Variants in TSHZ2 observed in about 807,000 individuals in gnomAD.
TSHZ2 encodes the protein teashirt homolog 2.
Under a neutral mutation model 74.4 loss-of-function variants are expected in TSHZ2, and 21 were observed. The ratio of observed to expected loss-of-function variants is 0.28; its 90% CI spans 0.20 to 0.41. The LOEUF (loss-of-function observed/expected upper bound fraction) is 0.41. TSHZ2 is among the 10% of genes least tolerant of loss of function. TSHZ2 has a pLI of 1.00. For synonymous variants in TSHZ2, 540 were observed against 515.3 expected, an observed-to-expected ratio of 1.05 and a Z score of -0.65; for missense variants, 1,244 against 1,293.5, an observed-to-expected ratio of 0.96 and a Z score of 0.59.
chr20:53,469,976 G>A (rs1316310345), intron 2 of TSHZ2, among the ~76,000 whole-genome samples: 7 of 152,150 alleles, frequency 4.6e-5, no homozygotes, highest in Admixed American at 4.6e-4. Context: ...ATATATAACT[G>A]TTAAAATGTT....
intron 2 of TSHZ2, among the ~76,000 whole-genome samples, chr20:53,383,982 C>G (rs543152152): frequency 1.3e-5 from 2 of 152,254 alleles, no homozygotes; most frequent in Non-Finnish European, 2.9e-5. Context: ...TAACTTGTTC[C>G]CAAACCCTCT....
chr20:53,348,007 G>A lies in TSHZ2; in HGVS notation c.*8+91436G>A, dbSNP rs143418411. 2.0e-3 allele frequency among the ~76,000 whole-genome samples: 308 copies of A among 152,044 alleles called. 4 individuals are homozygous for A. In the East Asian group the frequency reaches 0.023, roughly 11 times the overall value. On this transcript the variant is annotated intron_variant, in intron 2 of 2. Coordinates refer to ENST00000371497, the MANE Select transcript of TSHZ2 (RefSeq NM_173485.6). ...TCCCTCCTCCCAGCCCCTGATAACC[G>A]CTAATCTGTGTCTACTGATCTGCCT...
chr20:53,226,585 G>A (rs1484820276), intron 1 of TSHZ2, among the ~76,000 whole-genome samples: 1 of 152,090 alleles, frequency 6.6e-6, no homozygotes, highest in Non-Finnish European at 1.5e-5. Flanking sequence ...ACCAGGGAAT[G>A]ATTTGGAAGT....
intron 1 of TSHZ2, among the ~76,000 whole-genome samples, chr20:53,024,834 T>C (rs1168406340): frequency 6.6e-6 from 1 of 152,200 alleles, no homozygotes; most frequent in African/African-American, 2.4e-5. Context: ...ACTCATCCTT[T>C]TGTATGGTTG....
chr20:53,116,804 T>C (rs2123339036), intron 1 of TSHZ2, among the ~76,000 whole-genome samples: 1 of 152,354 alleles, frequency 6.6e-6, no homozygotes, highest in South Asian at 2.1e-4. Context: ...AGGTCAATGA[T>C]ACAGCTGTAT....
chr20:53,404,672 G>A (rs970314159), intron 2 of TSHZ2, among the ~76,000 whole-genome samples: 1 of 152,122 alleles, frequency 6.6e-6, no homozygotes, highest in South Asian at 2.1e-4. Flanking sequence ...CTATTAATAT[G>A]CAACGTTCTC....
chr20:53,324,218 T>C (rs1220522092), intron 2 of TSHZ2, among the ~76,000 whole-genome samples: 1 of 151,856 alleles, frequency 6.6e-6, no homozygotes, highest in Non-Finnish European at 1.5e-5. Context: ...GATATATGAG[T>C]GAGGTTTTTG....
At chr20:53,106,213 A>T (rs1320226378) in intron 1 of TSHZ2, among the ~76,000 whole-genome samples, 2 of 151,872 alleles carry the variant, frequency 1.3e-5, no homozygotes, top group Non-Finnish European at 2.9e-5. Flanking sequence ...GTAATTTTGT[A>T]CCCATTGACT....
intron 2 of TSHZ2, among the ~76,000 whole-genome samples, chr20:53,385,176 A>T (rs1982000118): frequency 1.1e-4 from 16 of 152,202 alleles, no homozygotes; most frequent in Admixed American, 1.0e-3. Context: ...GAGTCAACCC[A>T]GATCTAGATA....
At chr20:53,048,166 C>A (rs145817021) in intron 1 of TSHZ2, among the ~76,000 whole-genome samples, 3 of 152,330 alleles carry the variant, frequency 2.0e-5, no homozygotes, top group Non-Finnish European at 4.4e-5. Context: ...AGTGTCACAA[C>A]ATGGACTCCA....
chr20:53,010,751 T>G (rs1469999700), intron 1 of TSHZ2, among the ~76,000 whole-genome samples: 2 of 152,214 alleles, frequency 1.3e-5, no homozygotes, highest in African/African-American at 4.8e-5. Flanking sequence ...CACTGTAAAT[T>G]GGAGACCTAG....
intron 2 of TSHZ2, among the ~76,000 whole-genome samples, chr20:53,335,076 C>A (rs1318738573): frequency 1.3e-5 from 2 of 152,308 alleles, no homozygotes; most frequent in East Asian, 3.9e-4. Context: ...GTTGCAATAA[C>A]CCAGGTGAGA....
chr20:52,988,042 G>A (rs1340303726), intron 1 of TSHZ2, among the ~76,000 whole-genome samples: 1 of 151,094 alleles, frequency 6.6e-6, no homozygotes. Flanking sequence ...CATTTCCTTT[G>A]TTCTTTCCTG....
intron 1 of TSHZ2, among the ~76,000 whole-genome samples, chr20:53,146,811 C>T (rs921855969): frequency 5.9e-5 from 9 of 152,216 alleles, no homozygotes; most frequent in Middle Eastern, 6.8e-3. Flanking sequence ...ATTCCACCAG[C>T]TGATTTGCAG....
chr20:53,044,369 A>G (rs1328525313), intron 1 of TSHZ2, among the ~76,000 whole-genome samples: 2 of 152,208 alleles, frequency 1.3e-5, no homozygotes, highest in Non-Finnish European at 2.9e-5. Context: ...GTTTTGACAC[A>G]TCAACATTCT....
chr20:52,979,171 G>T, intron 1 of TSHZ2, among the ~76,000 whole-genome samples: 1 of 151,832 alleles, frequency 6.6e-6, no homozygotes, highest in South Asian at 2.1e-4. Context: ...TATTTTCACT[G>T]GATTTATAAT....
intron 1 of TSHZ2, among the ~76,000 whole-genome samples, chr20:53,047,388 T>A (rs1444115307): frequency 6.6e-6 from 1 of 152,210 alleles, no homozygotes; most frequent in Admixed American, 6.5e-5. Context: ...GGCTTCCTTC[T>A]GATGGTCCAA....
intron 2 of TSHZ2, among the ~76,000 whole-genome samples, chr20:53,378,788 T>A (rs982895365): frequency 6.6e-6 from 1 of 152,200 alleles, no homozygotes; most frequent in African/African-American, 2.4e-5. Flanking sequence ...ACCTTACAGA[T>A]GTTGCTTAGG....
chr20:53,006,236 T>A (rs922011264), intron 1 of TSHZ2, among the ~76,000 whole-genome samples: 1 of 152,240 alleles, frequency 6.6e-6, no homozygotes, highest in Non-Finnish European at 1.5e-5. Context: ...TTTGCATCCC[T>A]ACTGAAAAAT....
Sources: allele counts gnomAD v4.1 joint callset (sites outside exome capture counted in the v4.1 genomes callset), GRCh38; gene constraint gnomAD v4.1.1; transcripts MANE v1.5; gene names NCBI Gene and HGNC (gene_info 2026-07-23, HGNC 2026-07-21).